SAFB: variants seen among roughly 807,000 people sequenced by gnomAD.
SAFB encodes the protein scaffold attachment factor B1.
SAFB carries 15 observed loss-of-function variants against 101.6 expected under a neutral mutation model. That is an observed-to-expected ratio of 0.15 (90% CI 0.10 to 0.23). The LOEUF (loss-of-function observed/expected upper bound fraction) is 0.23, where lower values mean the gene tolerates loss of function less well. Among genes scored for constraint, SAFB ranks in the 10% least tolerant of loss-of-function variants. The pLI is 1.00. For synonymous variants in SAFB, 449 were observed against 407.5 expected (o/e 1.10, Z -1.23); for missense variants, 930 against 1,104.1 (o/e 0.84, Z 2.23).
Position 5,653,357 on chromosome 19 carries a change from G to A in SAFB, c.1463G>A (p.Gly488Glu). Residue 488 changes from glycine (G) to glutamate (E), a missense_variant, in exon 11 of 21, where the codon GGA becomes GAA. Transcript: ENST00000588852. ...SVEKAKNEPVGKKTSDKRDSD... is the reference protein window; with the variant it reads ...SVEKAKNEPVEKKTSDKRDSD... ...TTTCAGGCCAAAAATGAACCTGTGG[G>A]AAAGAAAACCTCTGACAAAAGAGAC... 6.2e-7 allele frequency: 1 copy of A among 1,614,182 alleles called. No homozygotes were observed. The highest frequency in any genetic ancestry group is 2.2e-5 in the East Asian group (1 of 44,886).
intron 6 of SAFB, 57 bp downstream of exon 6, chr19:5,648,100 CT>C: frequency 7.2e-7 from 1 of 1,382,496 alleles, no homozygotes; most frequent in Non-Finnish European, 1.0e-6. Flanking sequence ...AGTTTTCCAC[CT>C]TCTCTAATTT....
intron 14 of SAFB, among the ~76,000 whole-genome samples, chr19:5,660,663 G>C (rs1405909637): frequency 7.7e-6 from 1 of 130,122 alleles, no homozygotes; most frequent in East Asian, 2.3e-4. Context: ...AGATTGTTTT[G>C]AGCTCAGGAG....
intron 4 of SAFB, 80 bp from the exon 5 acceptor site, chr19:5,645,257 C>G: frequency 1.5e-6 from 1 of 666,074 alleles, no homozygotes; most frequent in African/African-American, 1.8e-5. Context: ...CATAGCTGTT[C>G]ACTTTTCATT....
intron 20 of SAFB, 118 bp from the exon 21 acceptor site, chr19:5,668,039 CAGGAG>C (rs1391425239): frequency 4.0e-5 from 59 of 1,462,518 alleles, no homozygotes; most frequent in Non-Finnish European, 5.4e-5. Context: ...TGCTGCCACT[CAGGAG>C]GGGAGGGCAT....
intron 14 of SAFB, among the ~76,000 whole-genome samples, chr19:5,658,415 C>T (rs1304833988): frequency 2.0e-5 from 3 of 152,190 alleles, no homozygotes; most frequent in Non-Finnish European, 4.4e-5. Context: ...AAAGTAAGGA[C>T]CCCCCTGGGC....
intron 8 of SAFB, among the ~76,000 whole-genome samples, chr19:5,650,555 G>A (rs577044208): frequency 6.6e-6 from 1 of 152,230 alleles, no homozygotes; most frequent in Non-Finnish European, 1.5e-5. Context: ...GGGATTATAA[G>A]CGCCCGCCAC....
At chr19:5,634,779 C>CT (rs1285267549) in intron 2 of SAFB, among the ~76,000 whole-genome samples, 1 of 152,134 alleles carries the variant, frequency 6.6e-6, no homozygotes, top group African/African-American at 2.4e-5. Context: ...GATTCCCTTG[C>CT]TGGTAGTTGC....
chr19:5,640,312 A>G (rs950093261), intron 2 of SAFB, among the ~76,000 whole-genome samples: 11 of 151,888 alleles, frequency 7.2e-5, no homozygotes, highest in African/African-American at 2.7e-4. Context: ...ATTGGCAAAG[A>G]TAAAGAAAAA....
intron 15 of SAFB, among the ~76,000 whole-genome samples, chr19:5,662,195 C>A (rs532382416): frequency 6.6e-6 from 1 of 152,078 alleles, no homozygotes; most frequent in African/African-American, 2.4e-5. Context: ...AGCTTGAGAT[C>A]TTTCATTCAA....
chr19:5,649,603 G>A lies in SAFB; in HGVS notation c.1148+104G>A, dbSNP rs1370901400. 4.4e-5 allele frequency: 23 copies of A among 523,702 alleles called. No individual in the cohort carries two copies. The East Asian group carries it at 4.7e-4, about 11-fold the overall frequency. 32.4% of individuals were successfully genotyped at this position (523,702 alleles called of 1,614,324 possible). A position where few individuals can be genotyped will look rare whatever the true frequency, so the allele number is the denominator to read the frequency against. Reference sequence around the variant, plus strand: ...TCTGCAATTGGCCAGCCAGACTGACGAAATTGTAGTTTTGCTTCTAAAGAA... The same window carrying A: ...TCTGCAATTGGCCAGCCAGACTGACAAAATTGTAGTTTTGCTTCTAAAGAA... On this transcript the variant is annotated intron_variant, in intron 7 of 20. Coordinates refer to ENST00000588852, the MANE Select transcript of SAFB (RefSeq NM_001201338.2).
Position 5,626,394 on chromosome 19 carries a change from C to G in SAFB, c.190-11C>G. On this transcript the variant is annotated splice_polypyrimidine_tract_variant and intron_variant, in intron 1 of 20. Transcript: ENST00000588852. ...CTTTTTGGATCAACTTTACTTTTCC[C>G]TTCTTTTTAGGCAATTGAAGATGAA... 1 of 1,561,724 alleles carries G rather than the reference C, an allele frequency of 6.4e-7. No individual in the cohort carries two copies. Among genetic ancestry groups the G allele is most frequent in the Non-Finnish European group, 8.8e-7 (1 of 1,132,756 alleles).
chr19:5,667,860 C>T lies in SAFB; in HGVS notation c.2598C>T (p.His866=), dbSNP rs745329711. ...RSMSGHSGPG[H]MMNRGGMSGR... ...TGTCCGGTCACTCCGGGCCTGGCCA[C>T]ATGATGAACCGAGGAGGAATGTCAG... Residue 866 remains histidine, a synonymous_variant, in exon 20 of 21, where the codon CAC becomes CAT. Coordinates refer to ENST00000588852, the MANE Select transcript of SAFB (RefSeq NM_001201338.2). This position sits in a 1 kb window ranked among gnomAD's most constrained non-coding sequence, Gnocchi z 4.0. 3.1e-6 allele frequency: 5 copies of T among 1,610,700 alleles called. No homozygotes were observed. Among genetic ancestry groups the T allele is most frequent in the South Asian group, 1.1e-5 (1 of 90,664 alleles).
At chr19:5,637,066 C>T (rs540236562) in intron 2 of SAFB, among the ~76,000 whole-genome samples, 139 of 148,122 alleles carry the variant, frequency 9.4e-4, no homozygotes, top group Admixed American at 1.5e-3. Context: ...GATTTTCGGC[C>T]GGGCGTGGTG....
chr19:5,638,559 G>A (rs74377969), intron 2 of SAFB, among the ~76,000 whole-genome samples: 1 of 151,490 alleles, frequency 6.6e-6, no homozygotes. Context: ...CTGACCTCAG[G>A]TGACCCACCC....
intron 4 of SAFB, among the ~76,000 whole-genome samples, chr19:5,644,405 G>A (rs1466364074): frequency 6.6e-6 from 1 of 152,248 alleles, no homozygotes; most frequent in Non-Finnish European, 1.5e-5. Context: ...CAAAAGAGAA[G>A]TGACACTTGG....
intron 2 of SAFB, among the ~76,000 whole-genome samples, chr19:5,638,973 C>A (rs529296440): frequency 7.2e-5 from 11 of 152,080 alleles, no homozygotes; most frequent in Admixed American, 5.9e-4. Flanking sequence ...ATGATCCACC[C>A]GCCTTGGCCT....
intron 13 of SAFB, among the ~76,000 whole-genome samples, chr19:5,656,514 G>A (rs1334910934): frequency 6.6e-6 from 1 of 151,058 alleles, no homozygotes; most frequent in East Asian, 1.9e-4. Flanking sequence ...GACTTCAAGT[G>A]ATCCACCCGT....
At chr19:5,644,786 T>TA (rs1216236534) in intron 4 of SAFB, among the ~76,000 whole-genome samples, 3 of 152,222 alleles carry the variant, frequency 2.0e-5, no homozygotes, top group Non-Finnish European at 4.4e-5. Context: ...GCCTACTTCT[T>TA]AGAATAAAAG....
chr19:5,649,832 G>A (rs2053896612), intron 7 of SAFB, 94 bp from the exon 8 acceptor site: 1 of 1,095,668 alleles, frequency 9.1e-7, no homozygotes, highest in Non-Finnish European at 1.4e-6. Context: ...ACTAAATTTC[G>A]GGTAGGTATG....
Sources: gnomAD v4.1 joint callset for allele counts (sites outside exome capture counted in the v4.1 genomes callset) on GRCh38, gnomAD v4.1.1 for gene constraint, Gnocchi (gnomAD v3.1) non-coding constraint, MANE v1.5 for transcripts, NCBI Gene and HGNC (gene_info 2026-07-23, HGNC 2026-07-21) for gene names.